SH3RF1: variants seen among roughly 807,000 people sequenced by gnomAD.
SH3RF1 encodes E3 ubiquitin-protein ligase SH3RF1.
In SH3RF1, 32 loss-of-function variants were observed where a neutral mutation model predicts 74.0. The observed-to-expected ratio is 0.43, with a 90% CI of 0.33 to 0.58. The LOEUF (loss-of-function observed/expected upper bound fraction) is 0.58. SH3RF1 is among the 20% of genes least tolerant of loss of function. The probability of loss-of-function intolerance (pLI) is 0.05; values close to 1 mark genes in which losing one functional copy is unlikely to be tolerated. For synonymous variants in SH3RF1, 396 were observed against 439.6 expected (o/e 0.90, Z 1.24); for missense variants, 954 against 1,130.9 (o/e 0.84, Z 2.24).
At chr4:169,117,804 T>G in intron 8 of SH3RF1, 22 bp from the exon 9 acceptor site, 5 of 1,597,140 alleles carry the variant, frequency 3.1e-6, no homozygotes, top group Non-Finnish European at 4.3e-6. Flanking sequence ...CAAACATAGA[T>G]GGAAAGCCCA....
At chr4:169,170,720 T>A (rs1450901308) in intron 2 of SH3RF1, among the ~76,000 whole-genome samples, 1 of 152,186 alleles carries the variant, frequency 6.6e-6, no homozygotes. Flanking sequence ...ATCTGCCAGA[T>A]TCATCTTCCT....
At chr4:169,183,426 A>G (rs1229335827) in intron 2 of SH3RF1, among the ~76,000 whole-genome samples, 7 of 152,180 alleles carry the variant, frequency 4.6e-5, no homozygotes, top group East Asian at 2.0e-4. Context: ...GATTACAAGC[A>G]CTTGCCACCA....
chr4:169,175,752 A>C (rs188770068), intron 2 of SH3RF1, among the ~76,000 whole-genome samples: 15 of 152,334 alleles, frequency 9.8e-5, no homozygotes, highest in Non-Finnish European at 2.1e-4. Context: ...ACAGAGAATC[A>C]CAGGCCTATA....
At chr4:169,125,487 A>G (rs544054927) in intron 6 of SH3RF1, among the ~76,000 whole-genome samples, 27 of 152,324 alleles carry the variant, frequency 1.8e-4, no homozygotes, top group African/African-American at 6.3e-4. Flanking sequence ...GAAGTAGTCC[A>G]GTACGTCTCA....
At chr4:169,141,873 C>G (rs1579103342) in intron 4 of SH3RF1, among the ~76,000 whole-genome samples, 1 of 146,354 alleles carries the variant, frequency 6.8e-6, no homozygotes, top group African/African-American at 2.6e-5. Context: ...AGTGCAGTGG[C>G]GTGATGTCGG....
At chr4:169,236,655 TG>T (rs1401827597) in intron 2 of SH3RF1, among the ~76,000 whole-genome samples, 2 of 152,188 alleles carry the variant, frequency 1.3e-5, no homozygotes. Flanking sequence ...CCTAAAACAT[TG>T]CCTGGCACAC....
At position 169,269,215 on chromosome 4, in the gene SH3RF1, T is replaced by G; in HGVS notation, c.-3A>C. ...TCCAACAAGGCTGATTCATCCATCT[T>G]TATCTACTTTACTGAGAAAAAATCT... On this transcript the variant is annotated 5_prime_UTR_variant, in exon 2 of 12. Transcript: ENST00000284637. The G allele has an allele frequency of 6.4e-7, 1 of 1,562,504 alleles. No homozygotes were observed. Among genetic ancestry groups the G allele is most frequent in the Non-Finnish European group, 8.6e-7 (1 of 1,160,356 alleles).
chr4:169,106,818 G>GT (rs767080329), intron 11 of SH3RF1, 29 bp downstream of exon 11: 25 of 1,508,352 alleles, frequency 1.7e-5, no homozygotes, highest in East Asian at 1.4e-4. Context: ...TCATTTTTTA[G>GT]TTTTTTCCTG....
chr4:169,166,004 A>G (rs1234075912), intron 2 of SH3RF1, among the ~76,000 whole-genome samples: 2 of 152,164 alleles, frequency 1.3e-5, no homozygotes, highest in Non-Finnish European at 2.9e-5. Flanking sequence ...TAAAACTGTA[A>G]GTTTTATAGG....
At chr4:169,145,911 A>G in intron 4 of SH3RF1, among the ~76,000 whole-genome samples, 1 of 135,932 alleles carries the variant, frequency 7.4e-6, no homozygotes, top group Non-Finnish European at 1.5e-5. Context: ...TATTCTATAT[A>G]TTATTCTATA....
At chr4:169,144,298 A>T (rs1733835886) in intron 4 of SH3RF1, among the ~76,000 whole-genome samples, 1 of 152,190 alleles carries the variant, frequency 6.6e-6, no homozygotes, top group Non-Finnish European at 1.5e-5. Flanking sequence ...ATGAAGCAAG[A>T]CTTAATGATC....
chr4:169,157,091 T>C (rs969128664), intron 2 of SH3RF1, among the ~76,000 whole-genome samples: 4 of 152,240 alleles, frequency 2.6e-5, no homozygotes, highest in African/African-American at 9.6e-5. Flanking sequence ...AAATGATAGA[T>C]ACTGAGGGGA....
At chr4:169,238,999 G>C (rs541702618) in intron 2 of SH3RF1, among the ~76,000 whole-genome samples, 5 of 146,098 alleles carry the variant, frequency 3.4e-5, no homozygotes, top group Admixed American at 2.1e-4. Context: ...TCAGTCTCAA[G>C]ATACCATGTC....
intron 10 of SH3RF1, among the ~76,000 whole-genome samples, chr4:169,111,778 T>C (rs557574695): frequency 7.5e-4 from 114 of 152,160 alleles, no homozygotes; most frequent in Non-Finnish European, 1.5e-3. Flanking sequence ...ATAACAATGG[T>C]AGAAAAGGTC....
chr4:169,242,916 T>C (rs763898743), intron 2 of SH3RF1, among the ~76,000 whole-genome samples: 1 of 152,226 alleles, frequency 6.6e-6, no homozygotes, highest in Admixed American at 6.5e-5. Context: ...CAGCCTGTTA[T>C]AGCAGCACAA....
At chr4:169,238,179 C>T (rs1730849811) in intron 2 of SH3RF1, among the ~76,000 whole-genome samples, 1 of 152,184 alleles carries the variant, frequency 6.6e-6, no homozygotes. Flanking sequence ...GCTTTACTTA[C>T]CATCTCAACC....
rs149316992 is a variant in SH3RF1, at chr4:169,243,950, C to T, written c.393+24870G>A. On this transcript the variant is annotated intron_variant, in intron 2 of 11. Transcript: ENST00000284637. ...CTTAAATAACTGCAAACATGGCAAG[C>T]TACCCTGGAGTTGCCAAAGTCAATA... 1.7e-4 allele frequency among the ~76,000 whole-genome samples: 26 copies of T among 152,308 alleles called. 1 individual carries two copies. In the East Asian group the frequency reaches 4.8e-3, roughly 28 times the overall value.
chr4:169,104,150 G>A (rs1053340058), intron 11 of SH3RF1, among the ~76,000 whole-genome samples: 2 of 152,194 alleles, frequency 1.3e-5, no homozygotes, highest in African/African-American at 4.8e-5. Flanking sequence ...TGCACTGGGG[G>A]AGGGAGGCTG....
chr4:169,264,307 T>A (rs184030598), intron 2 of SH3RF1, among the ~76,000 whole-genome samples: 1 of 152,166 alleles, frequency 6.6e-6, no homozygotes, highest in African/African-American at 2.4e-5. Context: ...CATCCTCATC[T>A]CCTCTTCTTA....
Sources: gnomAD v4.1 joint callset for allele counts (sites outside exome capture counted in the v4.1 genomes callset) on GRCh38, gnomAD v4.1.1 for gene constraint, MANE v1.5 for transcripts, NCBI Gene and HGNC (gene_info 2026-07-23, HGNC 2026-07-21) for gene names.